LNPK: variants seen among roughly 807,000 people sequenced by gnomAD.
LNPK encodes the protein endoplasmic reticulum junction formation protein lunapark.
A neutral mutation model predicts 55.2 loss-of-function variants in LNPK; 29 were observed. The ratio of observed to expected loss-of-function variants is 0.53; its 90% confidence interval spans 0.39 to 0.72. The LOEUF (loss-of-function observed/expected upper bound fraction) is 0.72. LNPK is among the 30% of genes least tolerant of loss of function. The pLI, the probability that LNPK is intolerant of heterozygous loss-of-function variation, is 0.00. For missense variants in LNPK, 467 were observed against 494.8 expected (o/e 0.94, Z 0.53); for synonymous variants, 162 against 168.2 (o/e 0.96, Z 0.29).
chr2:175,962,862 AAAAC>A (rs1188179338), intron 8 of LNPK, among the ~76,000 whole-genome samples: 6 of 151,678 alleles, frequency 4.0e-5, no homozygotes, highest in Non-Finnish European at 8.8e-5. Context: ...TTACAAGAAA[AAAAC>A]AAACAACCCC....
intron 9 of LNPK, among the ~76,000 whole-genome samples, chr2:175,943,211 A>C (rs1299689801): frequency 3.6e-5 from 4 of 111,738 alleles, no homozygotes; most frequent in Non-Finnish European, 5.7e-5. Context: ...CTGAATTTTT[A>C]GTTAAAAAAA....
At chr2:175,945,243 C>T (rs1685065464) in intron 9 of LNPK, among the ~76,000 whole-genome samples, 1 of 149,464 alleles carries the variant, frequency 6.7e-6, no homozygotes, top group Admixed American at 6.6e-5. Flanking sequence ...GGCACAGTGG[C>T]TCACACCTGT....
At chr2:175,978,806 A>G (rs1011111632) in intron 5 of LNPK, among the ~76,000 whole-genome samples, 1 of 152,186 alleles carries the variant, frequency 6.6e-6, no homozygotes, top group Non-Finnish European at 1.5e-5. Flanking sequence ...GATTAGGCAT[A>G]TAATTGTATT....
At chr2:175,962,259 A>G (rs62187007) in intron 8 of LNPK, among the ~76,000 whole-genome samples, 11,039 of 152,278 alleles carry the variant, frequency 0.072, 428 homozygotes, top group South Asian at 0.098. Context: ...AATCCTAAGC[A>G]AAAAGAACAA....
chr2:175,963,451 A>C (rs1686168177), intron 8 of LNPK, among the ~76,000 whole-genome samples: 1 of 152,112 alleles, frequency 6.6e-6, no homozygotes, highest in African/African-American at 2.4e-5. Context: ...AAACTATCAC[A>C]AGAACAAAAA....
chr2:175,937,978 G>A, intron 11 of LNPK: 1 of 190,070 alleles, frequency 5.3e-6, no homozygotes. Context: ...CATCTGCAGA[G>A]CTTTAAAAAA....
intron 4 of LNPK, among the ~76,000 whole-genome samples, chr2:175,989,894 A>AT (rs1234103544): frequency 3.3e-5 from 5 of 152,204 alleles, no homozygotes; most frequent in African/African-American, 4.8e-5. Context: ...ATAAAGAATA[A>AT]TTTTGGAATA....
At chr2:175,937,321 A>C in intron 12 of LNPK, 23 bp downstream of exon 12, 1 of 1,603,606 alleles carries the variant, frequency 6.2e-7, no homozygotes, top group Non-Finnish European at 8.5e-7. Context: ...ATTAAGGGGC[A>C]AAACTGTTTA....
At chr2:175,989,671 G>A (rs1383145258) in intron 4 of LNPK, among the ~76,000 whole-genome samples, 1 of 152,090 alleles carries the variant, frequency 6.6e-6, no homozygotes, top group Non-Finnish European at 1.5e-5. Context: ...TCACTACGGT[G>A]TGTAGCCTTA....
At chr2:176,002,510 A>C, upstream of LNPK, 2 of 199,208 alleles carry the variant, frequency 1.0e-5, no homozygotes, top group South Asian at 6.0e-5. Flanking sequence ...GTTATTTCTT[A>C]CTCTTCCGCT....
At chr2:175,964,187 C>G (rs1470243013) in intron 8 of LNPK, among the ~76,000 whole-genome samples, 185 bp downstream of exon 8, 2 of 151,982 alleles carry the variant, frequency 1.3e-5, no homozygotes, top group African/African-American at 2.4e-5. Context: ...TTAACATATT[C>G]CCATAAAATC....
At chr2:175,966,598 T>G (rs1369472124) in intron 6 of LNPK, among the ~76,000 whole-genome samples, 2 of 152,224 alleles carry the variant, frequency 1.3e-5, no homozygotes, top group Non-Finnish European at 2.9e-5. Context: ...AATCAGTTTT[T>G]AAGTACTAAA....
chr2:175,938,466 A>G, intron 10 of LNPK, 83 bp from the exon 11 acceptor site: 1 of 645,664 alleles, frequency 1.5e-6, no homozygotes, highest in Non-Finnish European at 2.6e-6. Flanking sequence ...ATCATGGCTA[A>G]TTTATATTTT....
chr2:175,987,674 T>A (rs1445242918), intron 4 of LNPK, among the ~76,000 whole-genome samples: 1 of 149,686 alleles, frequency 6.7e-6, no homozygotes, highest in African/African-American at 2.5e-5. Context: ...AAAGTATAAT[T>A]AAAAAAAAAA....
intron 5 of LNPK, among the ~76,000 whole-genome samples, chr2:175,972,898 A>C (rs1459480119): frequency 6.6e-6 from 1 of 152,192 alleles, no homozygotes; most frequent in Non-Finnish European, 1.5e-5. Context: ...TATACAGTGA[A>C]ATGGATTTAG....
chr2:175,932,214 G>C, intron 12 of LNPK: 1 of 453,988 alleles, frequency 2.2e-6, no homozygotes, highest in Non-Finnish European at 4.4e-6. Context: ...AAAGTTTTGT[G>C]ATGTTACTAT....
chr2:175,963,561 G>C (rs555837071), intron 8 of LNPK, among the ~76,000 whole-genome samples: 49 of 152,214 alleles, frequency 3.2e-4, no homozygotes, highest in African/African-American at 1.1e-3. Context: ...GTTGTGGGGT[G>C]GTGGCGGGGG....
rs377292412 is a variant in LNPK, at chr2:175,930,299, C to A, written c.1055-100G>T. 7.3e-4 allele frequency: 291 copies of A among 400,866 alleles called. 15 individuals carry two copies. The highest frequency in any genetic ancestry group is 4.6e-3 in the Admixed American group (106 of 23,266). The allele number at this position is 400,866 out of a possible 1,614,324, so 24.8% of individuals were successfully genotyped here. Reference sequence around the variant, plus strand: ...AAACACACACACACACACACACACACACACACACACACACACACAAAGAAA... The same window carrying A: ...AAACACACACACACACACACACACAAACACACACACACACACACAAAGAAA... On this transcript the variant is annotated intron_variant, in intron 12 of 12. Transcript: ENST00000272748.
intron 9 of LNPK, among the ~76,000 whole-genome samples, chr2:175,941,400 A>G (rs1684835386): frequency 6.6e-6 from 1 of 151,976 alleles, no homozygotes; most frequent in African/African-American, 2.4e-5. Flanking sequence ...TTAAATCTAT[A>G]AACCCACAGA....
Sources: allele counts gnomAD v4.1 joint callset (sites outside exome capture counted in the v4.1 genomes callset), GRCh38; gene constraint gnomAD v4.1.1; transcripts MANE v1.5; gene names NCBI Gene and HGNC (gene_info 2026-07-23, HGNC 2026-07-21).